ABCA12: variants seen among roughly 807,000 people sequenced by gnomAD.
ABCA12 encodes glucosylceramide transporter ABCA12.
A neutral mutation model predicts 293.5 loss-of-function variants in ABCA12; 156 were observed. The observed-to-expected ratio is 0.53, with a 90% CI of 0.47 to 0.61. ABCA12 has a LOEUF of 0.61. Among genes scored for constraint, ABCA12 ranks in the 20% least tolerant of loss-of-function variants. The probability of loss-of-function intolerance (pLI) is 0.00; values close to 1 mark genes in which losing one functional copy is unlikely to be tolerated. For synonymous variants in ABCA12, 1,063 were observed against 1,108.0 expected, an observed-to-expected ratio of 0.96 and a Z score of 0.81; for missense variants, 2,797 against 3,090.2, an observed-to-expected ratio of 0.91 and a Z score of 2.25.
chr2:215,110,324 C>T (rs1003459297), intron 2 of ABCA12, among the ~76,000 whole-genome samples: 36 of 152,236 alleles, frequency 2.4e-4, no homozygotes, highest in African/African-American at 7.2e-4. Flanking sequence ...TCCCGGCTAA[C>T]ACAGTGAAAC....
At chr2:215,005,454 A>G (rs1435576002) in intron 19 of ABCA12, among the ~76,000 whole-genome samples, 3 of 152,338 alleles carry the variant, frequency 2.0e-5, no homozygotes, top group South Asian at 2.1e-4. Flanking sequence ...GAGCACATAT[A>G]TAATAGAATT....
chr2:214,996,317 T>C (rs76894792), intron 23 of ABCA12, among the ~76,000 whole-genome samples: 247 of 152,326 alleles, frequency 1.6e-3, no homozygotes, highest in African/African-American at 5.5e-3. Flanking sequence ...TGCATATACA[T>C]TTGTATATAT....
intron 38 of ABCA12, among the ~76,000 whole-genome samples, chr2:214,967,446 C>G (rs756293052): frequency 6.6e-6 from 1 of 152,046 alleles, no homozygotes; most frequent in Non-Finnish European, 1.5e-5. Flanking sequence ...TATAACCTAC[C>G]AAATGGGGCG....
intron 2 of ABCA12, among the ~76,000 whole-genome samples, chr2:215,110,235 G>A (rs1702543820): frequency 6.6e-6 from 1 of 152,202 alleles, no homozygotes; most frequent in Non-Finnish European, 1.5e-5. Flanking sequence ...TGTTGGCTGG[G>A]CGCGGTGGCT....
intron 2 of ABCA12, among the ~76,000 whole-genome samples, chr2:215,109,421 C>G (rs543379332): frequency 6.6e-6 from 1 of 152,114 alleles, no homozygotes; most frequent in Non-Finnish European, 1.5e-5. Context: ...CTTGTAATAA[C>G]AAACCAAAAA....
At chr2:215,113,149 T>G (rs1258055622) in intron 1 of ABCA12, among the ~76,000 whole-genome samples, 3 of 152,140 alleles carry the variant, frequency 2.0e-5, no homozygotes, top group African/African-American at 4.8e-5. Context: ...ACCAAAGCAA[T>G]CCAAACCCCA....
intron 2 of ABCA12, among the ~76,000 whole-genome samples, chr2:215,077,427 TA>T (rs1163204632): frequency 6.6e-6 from 1 of 152,182 alleles, no homozygotes; most frequent in Admixed American, 6.5e-5. Flanking sequence ...ATTTTGTGGG[TA>T]ACTCATTTAC....
chr2:215,103,263 CTTTCT>C (rs1449532966), intron 2 of ABCA12, among the ~76,000 whole-genome samples: 1,964 of 81,306 alleles, frequency 0.024, 72 homozygotes, highest in African/African-American at 0.068. Context: ...CTTAAAATTT[CTTTCT>C]TTTTTTTTTT....
At chr2:215,034,654 A>AG (rs1466529742) in intron 8 of ABCA12, among the ~76,000 whole-genome samples, 1 of 152,184 alleles carries the variant, frequency 6.6e-6, no homozygotes, top group Non-Finnish European at 1.5e-5. Flanking sequence ...CACAGATCCA[A>AG]GTTCTAATCT....
intron 20 of ABCA12, among the ~76,000 whole-genome samples, chr2:215,002,505 T>C (rs911062572): frequency 6.6e-6 from 1 of 152,220 alleles, no homozygotes; most frequent in Non-Finnish European, 1.5e-5. Context: ...TTGATCATCA[T>C]GAATGCTGAG....
chr2:214,937,596 C>T lies in ABCA12; in HGVS notation c.7456G>A (p.Val2486Ile). ...IKSRFGRGFT[V>I]KVHLKNNKVT... ...TTGTTATTCTTCAAGTGAACTTTGACAGTAAATCCTCGTCCAAACCTAGAA... is the reference window on the plus strand; with the variant it reads ...TTGTTATTCTTCAAGTGAACTTTGATAGTAAATCCTCGTCCAAACCTAGAA... The change falls in exon 51 of 53, where the codon GTC becomes ATC. Residue 2486 changes from valine (V) to isoleucine (I), a missense_variant. This residue lies in a region of ABCA12 where 2,130 missense variants were observed against 2,427.0 expected (regional missense o/e 0.88). Coordinates refer to ENST00000272895, the MANE Select transcript of ABCA12 (RefSeq NM_173076.3). 1 of 1,613,782 alleles carries T rather than the reference C, an allele frequency of 6.2e-7. No homozygotes were observed. Among genetic ancestry groups the T allele is most frequent in the Non-Finnish European group, 8.5e-7 (1 of 1,179,778 alleles).
intron 41 of ABCA12, 58 bp from the exon 42 acceptor site, chr2:214,956,836 AAATC>A: frequency 1.6e-6 from 2 of 1,262,772 alleles, no homozygotes. Flanking sequence ...AAAAAAAAAA[AAATC>A]AATAACCCAT....
intron 1 of ABCA12, among the ~76,000 whole-genome samples, chr2:215,124,732 G>T (rs1247806394): frequency 1.3e-5 from 2 of 152,118 alleles, no homozygotes; most frequent in South Asian, 2.1e-4. Context: ...AGATTGTGAA[G>T]ATTTTCTCCC....
chr2:215,012,491 C>CA (rs796850884), intron 15 of ABCA12, among the ~76,000 whole-genome samples: 42 of 151,704 alleles, frequency 2.8e-4, no homozygotes, highest in African/African-American at 9.4e-4. Flanking sequence ...ATGTATGAAA[C>CA]AAAAAAAATT....
At chr2:214,986,257 A>G (rs148589866) in intron 28 of ABCA12, among the ~76,000 whole-genome samples, 189 of 152,322 alleles carry the variant, frequency 1.2e-3, no homozygotes, top group African/African-American at 4.3e-3. Context: ...ACCTAAGAAT[A>G]TGAACTCAAT....
chr2:215,022,470 A>G (rs1362040896), intron 11 of ABCA12: 1 of 152,246 alleles, frequency 6.6e-6, no homozygotes, highest in Non-Finnish European at 1.5e-5. Flanking sequence ...TGAGAACAAT[A>G]CAGGCATTAA....
intron 7 of ABCA12, among the ~76,000 whole-genome samples, chr2:215,041,300 T>A (rs1701095376): frequency 6.6e-6 from 1 of 152,176 alleles, no homozygotes; most frequent in Non-Finnish European, 1.5e-5. Flanking sequence ...ACGCCTGTAA[T>A]CCCAGCACTT....
At chr2:215,122,549 T>C (rs999742527) in intron 1 of ABCA12, among the ~76,000 whole-genome samples, 3 of 152,342 alleles carry the variant, frequency 2.0e-5, no homozygotes, top group South Asian at 4.1e-4. Flanking sequence ...AGTTGGGGAT[T>C]GCAGGAGGGT....
At chr2:215,019,891 A>C in intron 11 of ABCA12, 95 bp from the exon 12 acceptor site, 1 of 1,462,596 alleles carries the variant, frequency 6.8e-7, no homozygotes, top group Non-Finnish European at 9.4e-7. Flanking sequence ...ATTTCCTTTA[A>C]GAAAAACATT....
Sources: allele counts gnomAD v4.1 joint callset (sites outside exome capture counted in the v4.1 genomes callset), GRCh38; gene constraint gnomAD v4.1.1; regional missense constraint gnomAD v4.1.1; transcripts MANE v1.5; gene names NCBI Gene and HGNC (gene_info 2026-07-23, HGNC 2026-07-21).